Variants in DNAJB4 observed in about 807,000 individuals in gnomAD.
DNAJB4 encodes dnaJ homolog subfamily B member 4.
Under a neutral mutation model 26.6 loss-of-function variants are expected in DNAJB4, and 10 were observed. That is an observed-to-expected ratio of 0.38 (90% CI 0.23 to 0.64). The LOEUF is 0.64. DNAJB4 is among the 30% of genes least tolerant of loss of function. The pLI, the probability that DNAJB4 is intolerant of heterozygous loss-of-function variation, is 0.58. For missense variants in DNAJB4, 328 were observed against 408.2 expected (o/e 0.80, Z 1.69); for synonymous variants, 136 against 134.8 (o/e 1.01, Z -0.06).
intron 1 of DNAJB4, among the ~76,000 whole-genome samples, chr1:77,997,314 CAAAAAAAAAAA>C (rs371562329): frequency 1.5e-5 from 1 of 67,668 alleles, no homozygotes. Flanking sequence ...CCTGTCTCTA[CAAAAAAAAAAA>C]AAAAAAAATC....
intron 1 of DNAJB4, among the ~76,000 whole-genome samples, chr1:78,009,631 A>G (rs1382900383): frequency 6.6e-6 from 1 of 152,252 alleles, no homozygotes; most frequent in Non-Finnish European, 1.5e-5. Flanking sequence ...GACATTACTT[A>G]TAATTTTATG....
chr1:77,983,188 T>C (rs1358143255), intron 1 of DNAJB4, among the ~76,000 whole-genome samples: 3 of 152,256 alleles, frequency 2.0e-5, no homozygotes, highest in Non-Finnish European at 1.5e-5. Context: ...CATTTAGATA[T>C]GCATACACAT....
intron 1 of DNAJB4, among the ~76,000 whole-genome samples, chr1:78,010,531 A>G (rs1198186969): frequency 6.6e-6 from 1 of 152,176 alleles, no homozygotes; most frequent in Non-Finnish European, 1.5e-5. Flanking sequence ...CCTAACTGCT[A>G]TTTGGATATA....
At position 78,016,387 on chromosome 1, in the gene DNAJB4, G is replaced by A. The variant is rs182675110; in HGVS notation, c.*140G>A. 139 of 662,670 alleles carry A rather than the reference G, an allele frequency of 2.1e-4. No homozygotes were observed. In the East Asian group the frequency reaches 3.1e-3, roughly 15 times the overall value. The allele number at this position is 662,670 out of a possible 1,614,324, so 41.0% of individuals were successfully genotyped here. The stretch of plus-strand genomic sequence containing the variant: ...TCATTAAATTGCATGAATAGAGACG[G>A]GTCAAATAAATAGGCAAAAGGGATT... On this transcript the variant is annotated 3_prime_UTR_variant, in exon 3 of 3. Transcript: ENST00000370763.
chr1:77,989,181 C>T (rs1359323582), intron 1 of DNAJB4, among the ~76,000 whole-genome samples: 1 of 152,184 alleles, frequency 6.6e-6, no homozygotes, highest in Non-Finnish European at 1.5e-5. Flanking sequence ...TCGTCGTCTA[C>T]TTCCTTTTGC....
upstream of DNAJB4, among the ~76,000 whole-genome samples, chr1:78,002,140 A>T (rs1298387567): frequency 6.6e-6 from 1 of 152,196 alleles, no homozygotes; most frequent in Admixed American, 6.5e-5. Context: ...ACCTTTAAAA[A>T]AGCTTTTATT....
intron 1 of DNAJB4, among the ~76,000 whole-genome samples, chr1:77,989,146 C>G (rs1659872536): frequency 6.6e-6 from 1 of 152,136 alleles, no homozygotes; most frequent in African/African-American, 2.4e-5. Flanking sequence ...CTTCCTAGTC[C>G]TTTTACTTTC....
upstream of DNAJB4, among the ~76,000 whole-genome samples, chr1:77,979,827 C>T (rs1050382598): frequency 1.1e-4 from 17 of 152,016 alleles, no homozygotes; most frequent in Admixed American, 2.0e-4. Context: ...CAGTGTTAGC[C>T]AGATTTAATA....
In DNAJB4 at chr1:77,989,175, C is replaced by T. The variant is rs552111228; in HGVS notation, c.-32+8853C>T. ...TACTTTCAAATTTATAAATTGTCGTCGTCTACTTCCTTTTGCTCTCAGAGC... is the reference window on the plus strand; with the variant it reads ...TACTTTCAAATTTATAAATTGTCGTTGTCTACTTCCTTTTGCTCTCAGAGC... On this transcript the variant is annotated intron_variant, in intron 1 of 2. Transcript: ENST00000426517. 3.1e-4 allele frequency among the ~76,000 whole-genome samples: 47 copies of T among 152,264 alleles called. 1 individual carries two copies. The highest frequency in any genetic ancestry group is 1.5e-3 in the East Asian group (8 of 5,192).
At chr1:77,984,559 A>G (rs1659747804) in intron 1 of DNAJB4, among the ~76,000 whole-genome samples, 1 of 152,178 alleles carries the variant, frequency 6.6e-6, no homozygotes, top group Non-Finnish European at 1.5e-5. Flanking sequence ...AATTAAAGTG[A>G]ATTAAATTTT....
chr1:78,004,467 A>G (rs4370803), upstream of DNAJB4: 139,042 of 152,204 alleles, frequency 0.91, 63,674 homozygotes, highest in African/African-American at 0.95. Context: ...TGAAGACGAC[A>G]TAAATTACTT....
At chr1:77,984,472 A>G (rs1015305884) in intron 1 of DNAJB4, among the ~76,000 whole-genome samples, 6 of 151,768 alleles carry the variant, frequency 4.0e-5, no homozygotes, top group Admixed American at 3.9e-4. Flanking sequence ...TTTTTTTTCC[A>G]GAAAGCATCA....
intron 1 of DNAJB4, among the ~76,000 whole-genome samples, chr1:77,989,072 G>T (rs1179547288): frequency 6.6e-6 from 1 of 152,094 alleles, no homozygotes; most frequent in Non-Finnish European, 1.5e-5. Flanking sequence ...ATCCTTAGCA[G>T]TGGATGTCCC....
chr1:77,988,184 G>A (rs1659845914), intron 1 of DNAJB4, among the ~76,000 whole-genome samples: 1 of 151,678 alleles, frequency 6.6e-6, no homozygotes, highest in South Asian at 2.1e-4. Context: ...ACCATATCTG[G>A]CTGACATTTT....
At chr1:77,999,850 C>G (rs1205004044) in intron 1 of DNAJB4, among the ~76,000 whole-genome samples, 1 of 152,114 alleles carries the variant, frequency 6.6e-6, no homozygotes, top group Admixed American at 6.5e-5. Flanking sequence ...TTCTTTTGTA[C>G]TAGCCCTCTA....
chr1:77,997,730 T>C (rs1438170795), intron 1 of DNAJB4, among the ~76,000 whole-genome samples: 1 of 152,142 alleles, frequency 6.6e-6, no homozygotes, highest in Non-Finnish European at 1.5e-5. Context: ...AATTTTCTGT[T>C]CTGAAGTCTT....
At chr1:77,986,355 T>G (rs1253935720) in intron 1 of DNAJB4, among the ~76,000 whole-genome samples, 1 of 152,226 alleles carries the variant, frequency 6.6e-6, no homozygotes, top group Non-Finnish European at 1.5e-5. Flanking sequence ...CTAGTCTTCA[T>G]CCAGACAACT....
intron 1 of DNAJB4, among the ~76,000 whole-genome samples, chr1:78,009,981 C>T (rs1660426832): frequency 6.6e-6 from 1 of 152,100 alleles, no homozygotes; most frequent in African/African-American, 2.4e-5. Flanking sequence ...GCATAGTTGA[C>T]TGTTTAATAG....
chr1:78,016,142 TC>T lies in DNAJB4; in HGVS notation c.911del (p.Pro304LeufsTer8). ...GATATGGGCTGCCATTTCCAAAAAA[TC>T]CTGACCAACGTGGTGACCTTCTAAT... ...IGYGLPFPKN[P>X]DQRGDLLIEF... On this transcript the variant is annotated frameshift_variant, in exon 3 of 3. Transcript: ENST00000370763. LOFTEE classifies it high-confidence loss of function. The T allele has an allele frequency of 6.2e-7, 1 of 1,614,148 alleles. No homozygotes were observed. Among genetic ancestry groups the T allele is most frequent in the Non-Finnish European group, 8.5e-7 (1 of 1,180,020 alleles).
Sources: allele counts gnomAD v4.1 joint callset (sites outside exome capture counted in the v4.1 genomes callset), GRCh38; gene constraint gnomAD v4.1.1; transcripts MANE v1.5; gene names NCBI Gene and HGNC (gene_info 2026-07-23, HGNC 2026-07-21).